Variants in ZNG1F observed in about 807,000 individuals in gnomAD.
The protein encoded by ZNG1F is zinc-regulated GTPase metalloprotein activator 1F.
chr9:41,164,991 C>A, the ZNG1F span: 1 of 1,586,442 alleles, frequency 6.3e-7, no homozygotes, highest in Non-Finnish European at 8.5e-7. Flanking sequence ...TAACACACAT[C>A]ATTTTGTACC....
chr9:41,183,235 G>T, the ZNG1F span, among the ~76,000 whole-genome samples: 4 of 144,710 alleles, frequency 2.8e-5, no homozygotes, highest in African/African-American at 7.8e-5. Context: ...TTTTTATAAG[G>T]TTGAACACTT....
At chr9:41,183,765 G>A in the ZNG1F span, 1 of 1,578,210 alleles carries the variant, frequency 6.3e-7, no homozygotes, top group East Asian at 2.3e-5. Flanking sequence ...TCTTAAAGCA[G>A]AAACTTATAT....
chr9:41,178,829 G>T, the ZNG1F span, among the ~76,000 whole-genome samples: 44 of 107,734 alleles, frequency 4.1e-4, 2 homozygotes, highest in African/African-American at 1.5e-3. Context: ...GCCTCCCAAA[G>T]TGCTGAGATT....
At chr9:41,155,345 T>C in the ZNG1F span, among the ~76,000 whole-genome samples, 4 of 149,390 alleles carry the variant, frequency 2.7e-5, no homozygotes, top group Admixed American at 2.7e-4. Flanking sequence ...CATTAAAAAG[T>C]CAGGAAACAA....
At chr9:41,154,779 G>T in the ZNG1F span, among the ~76,000 whole-genome samples, 1,186 of 150,344 alleles carry the variant, frequency 7.9e-3, 48 homozygotes, top group Non-Finnish European at 0.011. Context: ...AATAAATGGT[G>T]CTGGGAAAAC....
At chr9:41,187,567 G>A in the ZNG1F span, among the ~76,000 whole-genome samples, 2 of 149,280 alleles carry the variant, frequency 1.3e-5, no homozygotes, top group African/African-American at 4.9e-5. Context: ...AAGGTGTGAC[G>A]CAGTCAGATT....
chr9:41,183,540 G>A, the ZNG1F span: 1 of 1,572,648 alleles, frequency 6.4e-7, no homozygotes, highest in Non-Finnish European at 8.6e-7. Flanking sequence ...AGTAAACCAT[G>A]TACACAGTAA....
chr9:41,155,390 C>T, the ZNG1F span, among the ~76,000 whole-genome samples: 1 of 147,262 alleles, frequency 6.8e-6, no homozygotes, highest in South Asian at 2.2e-4. Flanking sequence ...AATAGGAACA[C>T]TTTTACACTG....
the ZNG1F span, chr9:41,131,594 A>T: frequency 2.3e-5 from 1 of 42,946 alleles, no homozygotes; most frequent in Non-Finnish European, 4.6e-5. Context: ...GATTTGCTAC[A>T]TTTTATGTAT....
chr9:41,185,670 T>C, the ZNG1F span, among the ~76,000 whole-genome samples: 1 of 151,764 alleles, frequency 6.6e-6, no homozygotes, highest in African/African-American at 2.4e-5. Flanking sequence ...AGACTCCATC[T>C]CAAAAAAAAT....
chr9:41,135,019 A>G, the ZNG1F span, among the ~76,000 whole-genome samples: 1,475 of 118,678 alleles, frequency 0.012, 57 homozygotes, highest in African/African-American at 0.043. Flanking sequence ...TGAGTCCCCA[A>G]AGTTTATTGT....
the ZNG1F span, among the ~76,000 whole-genome samples, chr9:41,144,723 A>G: frequency 6.8e-6 from 1 of 147,856 alleles, no homozygotes; most frequent in Admixed American, 6.9e-5. Flanking sequence ...AAGCTCTATG[A>G]TCTATGATCT....
chr9:41,173,959 C>T, the ZNG1F span, among the ~76,000 whole-genome samples: 18 of 148,942 alleles, frequency 1.2e-4, 2 homozygotes, highest in East Asian at 7.9e-4. Context: ...TGGTGGCTCA[C>T]GCCTGTAATC....
At chr9:41,138,883 T>A in the ZNG1F span, among the ~76,000 whole-genome samples, 1 of 137,522 alleles carries the variant, frequency 7.3e-6, no homozygotes, top group Non-Finnish European at 1.5e-5. Context: ...ACTTCTTGTA[T>A]CTTTTTTTTT....
the ZNG1F span, among the ~76,000 whole-genome samples, chr9:41,201,245 C>CATATATATATATGCTATACATAT: frequency 7.1e-6 from 1 of 141,756 alleles, no homozygotes; most frequent in African/African-American, 2.6e-5. Flanking sequence ...AATATGTGCT[C>CATATATATATATGCTATACATAT]ATATATATAT....
At chr9:41,174,095 G>A in the ZNG1F span, among the ~76,000 whole-genome samples, 22 of 144,014 alleles carry the variant, frequency 1.5e-4, no homozygotes, top group African/African-American at 4.6e-4. Context: ...GATGGTGCAC[G>A]CCTGTAGTCC....
chr9:41,179,053 T>C, the ZNG1F span, among the ~76,000 whole-genome samples: 4 of 26,516 alleles, frequency 1.5e-4, no homozygotes, highest in African/African-American at 5.8e-4. Flanking sequence ...CTGAAAATTC[T>C]AGGGCCATTA....
At chr9:41,174,377 A>C in the ZNG1F span, 56 of 1,605,012 alleles carry the variant, frequency 3.5e-5, no homozygotes, top group Non-Finnish European at 4.4e-5. Flanking sequence ...TATTCATCAA[A>C]TAAAAATATT....
At chr9:41,201,196 A>G in the ZNG1F span, among the ~76,000 whole-genome samples, 1 of 147,326 alleles carries the variant, frequency 6.8e-6, no homozygotes, top group Non-Finnish European at 1.5e-5. Flanking sequence ...TTCAGTAAAA[A>G]TTAACAAAAA....
Sources: allele counts gnomAD v4.1 joint callset (sites outside exome capture counted in the v4.1 genomes callset), GRCh38; gene constraint gnomAD v4.1.1; transcripts MANE v1.5; gene names NCBI Gene and HGNC (gene_info 2026-07-23, HGNC 2026-07-21).